DCDC1: variants seen among roughly 807,000 people sequenced by gnomAD.
The protein encoded by DCDC1 is doublecortin domain-containing protein 1.
DCDC1 carries 200 observed loss-of-function variants against 178.3 expected under a neutral mutation model. The observed-to-expected ratio is 1.12, with a 90% confidence interval of 1.00 to 1.26. The LOEUF is 1.26. Among genes scored for constraint, DCDC1 ranks in the 50% most tolerant of loss-of-function variants. The pLI, the probability that DCDC1 is intolerant of heterozygous loss-of-function variation, is 0.00. For synonymous variants in DCDC1, 690 were observed against 604.8 expected (o/e 1.14, Z -2.07); for missense variants, 1,983 against 1,749.2 (o/e 1.13, Z -2.38).
intron 14 of DCDC1, 121 bp from the exon 15 acceptor site, chr11:31,102,403 A>G: frequency 2.2e-6 from 1 of 457,460 alleles, no homozygotes; most frequent in African/African-American, 1.9e-5. Flanking sequence ...CTAATAATTT[A>G]TATATCAAAT....
In DCDC1 at chr11:31,013,885, G is replaced by A. The variant is rs186171027; in HGVS notation, c.2591+50584C>T. Among the ~76,000 whole-genome samples, 116 of 152,288 alleles carry A rather than the reference G, an allele frequency of 7.6e-4. 1 individual carries two copies. Among genetic ancestry groups the A allele is most frequent in the South Asian group, 4.8e-3 (23 of 4,832 alleles). On this transcript the variant is annotated intron_variant, in intron 20 of 38. Transcript: ENST00000684477. ...GAAAGGTTTTTGGTGAGTCTGGTTT[G>A]AATGACACAAGAAACCATCAGGGCA...
intron 20 of DCDC1, among the ~76,000 whole-genome samples, chr11:30,968,861 G>A (rs1041351173): frequency 1.0e-4 from 15 of 150,514 alleles, no homozygotes; most frequent in African/African-American, 2.9e-4. Flanking sequence ...ATTGATACTC[G>A]AAATTATTGA....
intron 9 of DCDC1, among the ~76,000 whole-genome samples, chr11:31,218,046 A>G (rs553396992): frequency 9.2e-5 from 14 of 152,182 alleles, no homozygotes; most frequent in African/African-American, 2.9e-4. Flanking sequence ...ATATGTACCC[A>G]CTAAGTGGAG....
At position 31,065,165 on chromosome 11, in the gene DCDC1, G is replaced by GA. The variant is rs1956178266; in HGVS notation, c.2299-13dup. ...AACTGAGGATAAGCCTGTAAGAAAG[G>GA]AAAAAATAACAAGTAGTATCACCCT... On this transcript the variant is annotated splice_polypyrimidine_tract_variant and intron_variant, in intron 18 of 38. Coordinates refer to ENST00000684477, the MANE Select transcript of DCDC1 (RefSeq NM_001387274.1). 1 of 730,372 alleles carries GA rather than the reference G, an allele frequency of 1.4e-6. No individual in the cohort carries two copies. The highest frequency in any genetic ancestry group is 2.5e-5 in the East Asian group (1 of 40,546). The allele number at this position is 730,372 out of a possible 1,614,324, so 45.2% of individuals were successfully genotyped here. A position where few individuals can be genotyped will look rare whatever the true frequency, so the allele number is the denominator to read the frequency against.
chr11:31,213,448 G>C (rs981184029), intron 9 of DCDC1, among the ~76,000 whole-genome samples: 1 of 151,896 alleles, frequency 6.6e-6, no homozygotes, highest in Non-Finnish European at 1.5e-5. Context: ...GCAGGGGGCG[G>C]TGGCTTATCA....
chr11:31,282,341 T>G (rs993273040), intron 7 of DCDC1, among the ~76,000 whole-genome samples: 3 of 151,774 alleles, frequency 2.0e-5, no homozygotes, highest in East Asian at 1.9e-4. Context: ...AGGACAAGAT[T>G]AATAGGATAG....
intron 7 of DCDC1, among the ~76,000 whole-genome samples, chr11:31,268,033 C>T (rs973017680): frequency 6.6e-6 from 1 of 152,214 alleles, no homozygotes; most frequent in Non-Finnish European, 1.5e-5. Flanking sequence ...TAAGCATCTA[C>T]AGTTGGTCTC....
intron 11 of DCDC1, among the ~76,000 whole-genome samples, chr11:31,116,425 CAA>C (rs1386283659): frequency 6.6e-6 from 1 of 151,858 alleles, no homozygotes; most frequent in African/African-American, 2.4e-5. Flanking sequence ...AACCAGAATT[CAA>C]AGTCACTTTC....
At chr11:31,066,898 T>A (rs1956281724) in intron 18 of DCDC1, among the ~76,000 whole-genome samples, 1 of 152,168 alleles carries the variant, frequency 6.6e-6, no homozygotes. Context: ...TCACCAGTTA[T>A]AACAAATGTA....
intron 9 of DCDC1, among the ~76,000 whole-genome samples, chr11:31,193,914 A>G (rs1234375391): frequency 6.6e-6 from 1 of 152,116 alleles, no homozygotes; most frequent in East Asian, 1.9e-4. Flanking sequence ...AATTCTTAAC[A>G]GCACACATGT....
intron 6 of DCDC1, among the ~76,000 whole-genome samples, chr11:31,298,579 T>C (rs1027091864): frequency 1.2e-4 from 18 of 152,242 alleles, no homozygotes; most frequent in African/African-American, 4.1e-4. Context: ...GTTCCAACCA[T>C]AGATTATATT....
intron 8 of DCDC1, among the ~76,000 whole-genome samples, chr11:31,249,929 C>A (rs1287423227): frequency 6.6e-6 from 1 of 152,036 alleles, no homozygotes; most frequent in Non-Finnish European, 1.5e-5. Flanking sequence ...ATCATTAGGA[C>A]CCAACATGGG....
At chr11:31,109,227 C>T (rs1959042779) in intron 12 of DCDC1, among the ~76,000 whole-genome samples, 1 of 151,628 alleles carries the variant, frequency 6.6e-6, no homozygotes, top group African/African-American at 2.4e-5. Flanking sequence ...CAAGTGATCC[C>T]CCCACCTCAG....
intron 10 of DCDC1, among the ~76,000 whole-genome samples, chr11:31,133,412 A>G (rs1962700750): frequency 6.6e-6 from 1 of 152,230 alleles, no homozygotes. Context: ...AATTAACAGC[A>G]TATTTAAGAT....
At chr11:31,050,186 C>A (rs1272130800) in intron 20 of DCDC1, among the ~76,000 whole-genome samples, 1 of 152,116 alleles carries the variant, frequency 6.6e-6, no homozygotes, top group African/African-American at 2.4e-5. Flanking sequence ...GTGGGATGGG[C>A]CCTTCAGTTT....
chr11:30,995,273 A>G (rs1951197509), intron 20 of DCDC1, among the ~76,000 whole-genome samples: 1 of 152,180 alleles, frequency 6.6e-6, no homozygotes, highest in Admixed American at 6.5e-5. Flanking sequence ...CTAAATAAAT[A>G]AATACACCAT....
chr11:31,092,730 G>A (rs1957893817), intron 16 of DCDC1, among the ~76,000 whole-genome samples: 1 of 152,146 alleles, frequency 6.6e-6, no homozygotes, highest in South Asian at 2.1e-4. Flanking sequence ...TGGGATCTGA[G>A]AATGGACCTT....
At chr11:31,324,283 T>A (rs1050646085) in intron 3 of DCDC1, among the ~76,000 whole-genome samples, 1 of 151,826 alleles carries the variant, frequency 6.6e-6, no homozygotes, top group Non-Finnish European at 1.5e-5. Flanking sequence ...GAGCATAGCA[T>A]CGGGGGCATA....
chr11:31,035,196 C>T (rs1407189917), intron 20 of DCDC1, among the ~76,000 whole-genome samples: 2 of 152,180 alleles, frequency 1.3e-5, no homozygotes, highest in African/African-American at 4.8e-5. Context: ...ATATCCTTCA[C>T]CCAGTTTCTC....
Sources: allele counts gnomAD v4.1 joint callset (sites outside exome capture counted in the v4.1 genomes callset), GRCh38; gene constraint gnomAD v4.1.1; transcripts MANE v1.5; gene names NCBI Gene and HGNC (gene_info 2026-07-23, HGNC 2026-07-21).